METTL17: variants seen among roughly 807,000 people sequenced by gnomAD.
The protein encoded by METTL17 is ribosome assembly protein METTL17, mitochondrial.
A neutral mutation model predicts 59.4 loss-of-function variants in METTL17; 49 were observed. The observed-to-expected ratio is 0.82, with a 90% CI of 0.66 to 1.05. METTL17 has a LOEUF of 1.05. METTL17 is among the 50% of genes least tolerant of loss of function. The pLI, the probability that METTL17 is intolerant of heterozygous loss-of-function variation, is 0.00. For synonymous variants in METTL17, 208 were observed against 209.2 expected (o/e 0.99, Z 0.05); for missense variants, 555 against 578.4 (o/e 0.96, Z 0.41).
intron 6 of METTL17, chr14:20,993,476 C>CTTT (rs66578629): frequency 2.7e-5 from 10 of 367,474 alleles, no homozygotes; most frequent in Admixed American, 4.5e-5. Flanking sequence ...TTGAGTCTAC[C>CTTT]TTTTTTTTTT....
chr14:20,992,722 A>G lies in METTL17; in HGVS notation c.528+100A>G, dbSNP rs563902403. 140 of 767,314 alleles carry G rather than the reference A, an allele frequency of 1.8e-4. 2 individuals are homozygous for G. In the South Asian group the frequency reaches 2.4e-3, roughly 13 times the overall value. 47.5% of individuals were successfully genotyped at this position (767,314 alleles called of 1,614,324 possible). A position where few individuals can be genotyped will look rare whatever the true frequency, so the allele number is the denominator to read the frequency against. On this transcript the variant is annotated intron_variant, in intron 5 of 13. Transcript: ENST00000339374. ...GGGATTCTTGGGACATTGCATATGC[A>G]TTTTTTTTTTAAAGAGGATCTCCGC...
chr14:20,996,222 T>C lies in METTL17; in HGVS notation c.1010T>C (p.Leu337Pro). Reference protein sequence around the residue: ...GFVFAPCPHELPCPQLTNLAC... With the variant: ...GFVFAPCPHEPPCPQLTNLAC... Reference sequence around the variant, plus strand: ...ATGTGTTCACAGTGTCCCCATGAACTCCCTTGTCCCCAGTTGACCAACCTG... The same window carrying C: ...ATGTGTTCACAGTGTCCCCATGAACCCCCTTGTCCCCAGTTGACCAACCTG... The change falls in exon 12 of 14, where the codon CTC becomes CCC. Residue 337 changes from leucine to proline, a missense_variant. Leu to Pro is a moderately conservative substitution (Grantham distance 98, BLOSUM62 -3). Transcript: ENST00000339374. The C allele has an allele frequency of 6.2e-7, 1 of 1,614,098 alleles. No homozygotes were observed. Among genetic ancestry groups the C allele is most frequent in the South Asian group, 1.1e-5 (1 of 91,078 alleles).
intron 11 of METTL17, 21 bp downstream of exon 11, chr14:20,995,972 T>G: frequency 6.2e-7 from 1 of 1,613,684 alleles, no homozygotes; most frequent in Non-Finnish European, 8.5e-7. Flanking sequence ...CTTCTGCCTG[T>G]CCCACCACAC....
At chr14:20,990,199 A>G (rs775982568) in intron 1 of METTL17, 31 bp from the exon 2 acceptor site, 3 of 1,613,972 alleles carry the variant, frequency 1.9e-6, no homozygotes, top group Non-Finnish European at 2.5e-6. Context: ...CCTTTCTGCC[A>G]GGAAATCAAC....
rs374333448 is a variant in METTL17, at chr14:20,995,926, C to T, written c.971C>T (p.Pro324Leu). The T allele has an allele frequency of 1.9e-6, 3 of 1,614,148 alleles. No individual in the cohort carries two copies. The highest frequency in any genetic ancestry group is 2.2e-5 in the East Asian group (1 of 44,876). ...GGAAAAGAGAAGTCACCTTTGGACC[C>T]TCGACCTGGTTTTGTCTTTGCCCCG... ...LKGKEKSPLDPRPGFVFAPCP... is the reference protein window; with the variant it reads ...LKGKEKSPLDLRPGFVFAPCP... The change falls in exon 11 of 14, where the codon CCT becomes CTT. Residue 324 changes from proline (P) to leucine (L), a missense_variant. Transcript: ENST00000339374.
chr14:20,992,097 G>T, intron 3 of METTL17, 27 bp from the exon 4 acceptor site: 2 of 1,610,786 alleles, frequency 1.2e-6, no homozygotes, highest in South Asian at 2.2e-5. Context: ...CCTAGGTCCT[G>T]ACTTCCAGTC....
At position 20,996,302 on chromosome 14, in the gene METTL17, T is replaced by A; in HGVS notation, c.1080+10T>A. 1.2e-6 allele frequency: 2 copies of A among 1,611,378 alleles called. No individual in the cohort carries two copies. Among genetic ancestry groups the A allele is most frequent in the Non-Finnish European group, 1.7e-6 (2 of 1,178,280 alleles). Reference sequence around the variant, plus strand: ...CATCCCCTTCAGCTGGGTAGGTACCTGGGGATATTGCAGCAGGAAGCAAAC... The same window carrying A: ...CATCCCCTTCAGCTGGGTAGGTACCAGGGGATATTGCAGCAGGAAGCAAAC... On this transcript the variant is annotated intron_variant, in intron 12 of 13. Coordinates refer to ENST00000339374, the MANE Select transcript of METTL17 (RefSeq NM_022734.3).
intron 11 of METTL17, 97 bp downstream of exon 11, chr14:20,996,048 G>C: frequency 2.1e-6 from 3 of 1,415,082 alleles, no homozygotes; most frequent in Non-Finnish European, 3.0e-6. Flanking sequence ...CCACTACTTT[G>C]TGTTCCTATC....
rs1334270488 is a variant in METTL17 at position 20,993,198 on chromosome 14, A to T, written c.602+7A>T. On this transcript the variant is annotated splice_region_variant and intron_variant, in intron 6 of 13. Coordinates refer to ENST00000339374, the MANE Select transcript of METTL17 (RefSeq NM_022734.3). ...GTACTGGTTCTGTCACCTGGTGAGT[A>T]ACTTTCTTCAGCCCTATCTTGGTCA... The T allele has an allele frequency of 3.1e-6, 5 of 1,613,624 alleles. No homozygotes were observed. In the South Asian group the frequency reaches 5.5e-5, roughly 18 times the overall value.
chr14:20,990,435 T>A lies in METTL17; in HGVS notation c.230-29T>A, dbSNP rs755060514. 5.0e-6 allele frequency: 8 copies of A among 1,613,780 alleles called. No homozygotes were observed. In the Admixed American group the frequency reaches 1.2e-4, roughly 24 times the overall value. On this transcript the variant is annotated intron_variant, in intron 2 of 13. Coordinates refer to ENST00000339374, the MANE Select transcript of METTL17 (RefSeq NM_022734.3). Reference sequence around the variant, plus strand: ...AAACGGGACTGGACCTACATGCAAGTGATTCCGCTTTTCGTCTTTGGCCCA... The same window carrying A: ...AAACGGGACTGGACCTACATGCAAGAGATTCCGCTTTTCGTCTTTGGCCCA...
chr14:20,996,357 A>C lies in METTL17; in HGVS notation c.1080+65A>C, dbSNP rs1880374843. The C allele has an allele frequency of 3.9e-6, 6 of 1,556,804 alleles. No individual in the cohort carries two copies. The African/African-American group carries it at 8.2e-5, about 21-fold the overall frequency. ...TGGAAAAACAGGAAGAAAAAGAATC[A>C]GAGTTAGGAGGAGTTGGATAATTTG... On this transcript the variant is annotated intron_variant, in intron 12 of 13. Coordinates refer to ENST00000339374, the MANE Select transcript of METTL17 (RefSeq NM_022734.3).
rs771838341 is a variant in METTL17 at position 20,995,925 on chromosome 14, C to T, written c.970C>T (p.Pro324Ser). ...LKGKEKSPLDPRPGFVFAPCP... is the reference protein window; with the variant it reads ...LKGKEKSPLDSRPGFVFAPCP... ...GGGAAAAGAGAAGTCACCTTTGGACCCTCGACCTGGTTTTGTCTTTGCCCC... is the reference window on the plus strand; with the variant it reads ...GGGAAAAGAGAAGTCACCTTTGGACTCTCGACCTGGTTTTGTCTTTGCCCC... The change falls in exon 11 of 14, where the codon CCT (proline) becomes TCT (serine). Residue 324 changes from proline to serine, a missense_variant. By Grantham distance (74) the Pro-to-Ser change is moderately conservative. Coordinates refer to ENST00000339374, the MANE Select transcript of METTL17 (RefSeq NM_022734.3). 2 of 1,613,938 alleles carry T rather than the reference C, an allele frequency of 1.2e-6. No individual in the cohort carries two copies. Among genetic ancestry groups the T allele is most frequent in the Non-Finnish European group, 1.7e-6 (2 of 1,179,972 alleles).
chr14:20,993,137 C>G lies in METTL17; in HGVS notation c.548C>G (p.Ala183Gly), dbSNP rs770980027. ...AFHEIRARNP[A>G]FQPQTLMDFG... ...CTTCAGATCCGGGCTCGAAATCCAGCATTTCAGCCACAAACTTTGATGGAC... is the reference window on the plus strand; with the variant it reads ...CTTCAGATCCGGGCTCGAAATCCAGGATTTCAGCCACAAACTTTGATGGAC... The change falls in exon 6 of 14, where the codon GCA (alanine) becomes GGA (glycine). Residue 183 changes from alanine to glycine, a missense_variant. Physicochemically the swap from Ala to Gly is moderately conservative, Grantham distance 60. Transcript: ENST00000339374. The G allele has an allele frequency of 6.2e-6, 10 of 1,614,018 alleles. No homozygotes were observed. Among genetic ancestry groups the G allele is most frequent in the Non-Finnish European group, 2.5e-6 (3 of 1,180,024 alleles).
chr14:20,991,966 T>A (rs1880049306), intron 3 of METTL17, 158 bp from the exon 4 acceptor site: 1 of 640,240 alleles, frequency 1.6e-6, no homozygotes, highest in Non-Finnish European at 2.8e-6. Context: ...TACCGTTAAT[T>A]CTTGCCTGAA....
At chr14:20,996,036 C>A in intron 11 of METTL17, 85 bp downstream of exon 11, 1 of 1,464,950 alleles carries the variant, frequency 6.8e-7, no homozygotes, top group Non-Finnish European at 9.6e-7. Context: ...CTAAGCCACT[C>A]TCCACTACTT....
At position 20,992,026 on chromosome 14, in the gene METTL17, G is replaced by A. The variant is rs1880052933; in HGVS notation, c.365-98G>A. The A allele has an allele frequency of 3.7e-6, 4 of 1,087,884 alleles. No homozygotes were observed. The East Asian group carries it at 7.2e-5, about 20-fold the overall frequency. The allele number at this position is 1,087,884 out of a possible 1,614,324, so 67.4% of individuals were successfully genotyped here. On this transcript the variant is annotated intron_variant, in intron 3 of 13. Transcript: ENST00000339374. ...CCTTGAGCTTTAAGGCTTTTCTTAG[G>A]TGGAGTCGGGGAGGACTGGGTGGGC...
chr14:20,994,925 C>A (rs1880273315), intron 9 of METTL17, 24 bp downstream of exon 9: 3 of 1,570,158 alleles, frequency 1.9e-6, no homozygotes, highest in Non-Finnish European at 2.6e-6. Flanking sequence ...CCTTGTTCTC[C>A]TTAAGTCTTG....
At chr14:20,994,286 T>C (rs1212010422) in intron 7 of METTL17, among the ~76,000 whole-genome samples, 5 of 140,622 alleles carry the variant, frequency 3.6e-5, no homozygotes, top group Admixed American at 6.8e-5. Context: ...CCCTGCCCTT[T>C]TTTTTTTTTT....
rs1413216661 is a variant in METTL17 at position 20,993,059 on chromosome 14, A to G, written c.529-59A>G. 4.1e-6 allele frequency: 6 copies of G among 1,450,006 alleles called. No homozygotes were observed. In the East Asian group the frequency reaches 6.8e-5, roughly 16 times the overall value. 89.8% of individuals were successfully genotyped at this position (1,450,006 alleles called of 1,614,324 possible). A position where few individuals can be genotyped will look rare whatever the true frequency, so the allele number is the denominator to read the frequency against. Reference sequence around the variant, plus strand: ...TGTGATAGCCTCCTAATTCACATTTATCAAGGTCCTAAATAAGTATCTAAT... The same window carrying G: ...TGTGATAGCCTCCTAATTCACATTTGTCAAGGTCCTAAATAAGTATCTAAT... On this transcript the variant is annotated intron_variant, in intron 5 of 13. Transcript: ENST00000339374.
Sources: gnomAD v4.1 joint callset for allele counts (sites outside exome capture counted in the v4.1 genomes callset) on GRCh38, gnomAD v4.1.1 for gene constraint, MANE v1.5 for transcripts, NCBI Gene and HGNC (gene_info 2026-07-23, HGNC 2026-07-21) for gene names.